Variants in METTL22 observed in about 807,000 individuals in gnomAD.
METTL22 encodes the protein methyltransferase 22, Kin17 lysine.
METTL22 carries 51 observed loss-of-function variants against 48.4 expected under a neutral mutation model. The ratio of observed to expected loss-of-function variants is 1.05; its 90% CI spans 0.84 to 1.33. METTL22 has a LOEUF of 1.33. Ranked by LOEUF, METTL22 falls within the 40% of genes most tolerant of loss-of-function variation. The probability of loss-of-function intolerance (pLI) is 0.00; values close to 1 mark genes in which losing one functional copy is unlikely to be tolerated. For synonymous variants in METTL22, 255 were observed against 214.1 expected, an observed-to-expected ratio of 1.19 and a Z score of -1.67; for missense variants, 678 against 526.9, an observed-to-expected ratio of 1.29 and a Z score of -2.81.
chr16:8,625,377 A>G (rs1014053661), intron 1 of METTL22, 119 bp from the exon 2 acceptor site: 1 of 226,062 alleles, frequency 4.4e-6, no homozygotes, highest in Non-Finnish European at 8.5e-6. Flanking sequence ...ATGGAAATTC[A>G]TATCCCTTTC....
At chr16:8,657,545 G>A in the METTL22 span, among the ~76,000 whole-genome samples, 28 of 152,018 alleles carry the variant, frequency 1.8e-4, no homozygotes, top group African/African-American at 6.5e-4. Flanking sequence ...GTTCCTTTTC[G>A]TCTACTATAT....
rs2056719136 is a variant in METTL22 at position 8,644,430 on chromosome 16, G to C, written c.1011-127G>C. 3 of 905,688 alleles carry C rather than the reference G, an allele frequency of 3.3e-6. No individual in the cohort carries two copies. The African/African-American group carries it at 5.1e-5, about 15-fold the overall frequency. The allele number at this position is 905,688 out of a possible 1,614,324, so 56.1% of individuals were successfully genotyped here. ...GCACTCACACACTCAGCATGAGACAGGCGCTCAGTAAAAGCCCGTCCAGGG... is the reference window on the plus strand; with the variant it reads ...GCACTCACACACTCAGCATGAGACACGCGCTCAGTAAAAGCCCGTCCAGGG... On this transcript the variant is annotated intron_variant, in intron 9 of 10. Transcript: ENST00000381920.
At chr16:8,642,891 C>T in intron 9 of METTL22, 1 of 333,322 alleles carries the variant, frequency 3.0e-6, no homozygotes, top group Non-Finnish European at 5.7e-6. Context: ...GCTTGGCCAG[C>T]ACACACTGTT....
chr16:8,639,270 T>A, intron 6 of METTL22, 108 bp downstream of exon 6: 1 of 1,088,788 alleles, frequency 9.2e-7, no homozygotes, highest in African/African-American at 1.5e-5. Context: ...CTGTGTCCCT[T>A]GCAGCAGGTG....
At chr16:8,642,333 C>A (rs948053079) in intron 8 of METTL22, 126 bp downstream of exon 8, 1 of 1,231,486 alleles carries the variant, frequency 8.1e-7, no homozygotes, top group Admixed American at 1.7e-5. Context: ...ACCACATCTG[C>A]AGTTTTAATT....
intron 2 of METTL22, 80 bp from the exon 3 acceptor site, chr16:8,628,650 A>C (rs1049073635): frequency 2.6e-5 from 39 of 1,508,166 alleles, no homozygotes; most frequent in African/African-American, 1.8e-4. Context: ...ATTGGTAATC[A>C]GATATTCTCA....
chr16:8,660,108 GA>G, the METTL22 span, among the ~76,000 whole-genome samples: 2 of 52,100 alleles, frequency 3.8e-5, no homozygotes, highest in African/African-American at 8.3e-5. Flanking sequence ...AGGGTACAGT[GA>G]TTTTTGCCCT....
chr16:8,630,991 CTCAGAACCACATGG>C (rs1309036858), intron 3 of METTL22, among the ~76,000 whole-genome samples: 1 of 152,226 alleles, frequency 6.6e-6, no homozygotes, highest in African/African-American at 2.4e-5. Context: ...GTCTTACCCA[CTCAGAACCACATGG>C]TCAGAACCAC....
At chr16:8,664,991 AC>A in the METTL22 span, among the ~76,000 whole-genome samples, 1 of 151,946 alleles carries the variant, frequency 6.6e-6, no homozygotes, top group Non-Finnish European at 1.5e-5. Flanking sequence ...GGGAGGAGGG[AC>A]TCACTAGGGA....
rs373666740 is a variant in METTL22, at chr16:8,648,461, C to T, written c.*2318C>T. The T allele has an allele frequency of 1.4e-4, 21 of 151,738 alleles. No homozygotes were observed. Among genetic ancestry groups the T allele is most frequent in the African/African-American group, 4.8e-4 (20 of 41,294 alleles). 9.4% of individuals were successfully genotyped at this position (151,738 alleles called of 1,614,324 possible). On this transcript the variant is annotated 3_prime_UTR_variant, in exon 11 of 11. Coordinates refer to ENST00000381920, the MANE Select transcript of METTL22 (RefSeq NM_024109.4). The stretch of plus-strand genomic sequence containing the variant: ...TGGCCAACATGGTGAAACCCTGCCT[C>T]TACTAAAAATACAAAATTAGCCGGG...
Position 8,648,894 on chromosome 16 carries a change from G to C in METTL22, c.*2751G>C, listed in dbSNP as rs1343397841. The C allele has an allele frequency of 6.6e-6, 1 of 152,238 alleles. No individual in the cohort carries two copies. Among genetic ancestry groups the C allele is most frequent in the Admixed American group, 6.5e-5 (1 of 15,290 alleles). 9.4% of individuals were successfully genotyped at this position (152,238 alleles called of 1,614,324 possible). A position where few individuals can be genotyped will look rare whatever the true frequency, so the allele number is the denominator to read the frequency against. On this transcript the variant is annotated 3_prime_UTR_variant, in exon 11 of 11. Transcript: ENST00000381920. ...GCACAGTAGTTTGAGAAGCTCTGGG[G>C]CCTACCACATAGCCCTCAACCTATT...
the METTL22 span, among the ~76,000 whole-genome samples, chr16:8,658,403 A>G: frequency 6.6e-6 from 1 of 152,200 alleles, no homozygotes; most frequent in Admixed American, 6.5e-5. Flanking sequence ...CCAGAACCCA[A>G]GGGATATAGG....
chr16:8,654,015 C>G (rs1319739689), downstream of METTL22, among the ~76,000 whole-genome samples: 2 of 152,220 alleles, frequency 1.3e-5, no homozygotes, highest in East Asian at 3.9e-4. Flanking sequence ...CAGAGCAAGA[C>G]CCCATCTCAA....
chr16:8,641,356 G>A (rs539812023), intron 7 of METTL22, 172 bp downstream of exon 7: 30 of 701,210 alleles, frequency 4.3e-5, no homozygotes, highest in East Asian at 1.1e-4. Flanking sequence ...GTCATTCTCT[G>A]AGCGCCTGCT....
Position 8,647,735 on chromosome 16 carries a change from A to G in METTL22, c.*1592A>G, listed in dbSNP as rs1165318339. The G allele has an allele frequency of 6.6e-6, 1 of 152,406 alleles. No homozygotes were observed. Among genetic ancestry groups the G allele is most frequent in the East Asian group, 1.9e-4 (1 of 5,198 alleles). The allele number at this position is 152,406 out of a possible 1,614,324, so 9.4% of individuals were successfully genotyped here. ...TCTCAGCTGAACCTGTAGTGAGAGC[A>G]TGCAGGAGAGTGACCTCACCCTGCC... is the stretch of plus-strand genomic sequence containing the variant. On this transcript the variant is annotated 3_prime_UTR_variant, in exon 11 of 11. Transcript: ENST00000381920.
chr16:8,656,917 G>A, the METTL22 span, among the ~76,000 whole-genome samples: 2 of 152,224 alleles, frequency 1.3e-5, no homozygotes, highest in African/African-American at 2.4e-5. Context: ...GGATGAGAAC[G>A]AGAGAGAAGT....
At chr16:8,641,952 A>G in intron 7 of METTL22, 175 bp from the exon 8 acceptor site, 1 of 634,712 alleles carries the variant, frequency 1.6e-6, no homozygotes. Context: ...ATGACTCTGC[A>G]CCCGGGCAGC....
intron 2 of METTL22, 45 bp from the exon 3 acceptor site, chr16:8,628,685 A>G (rs1453274491): frequency 1.9e-6 from 3 of 1,549,936 alleles, no homozygotes; most frequent in Non-Finnish European, 2.6e-6. Context: ...GGTAAAAAAG[A>G]AAACATCTTG....
chr16:8,630,303 A>G (rs767107231), intron 3 of METTL22, among the ~76,000 whole-genome samples: 5 of 152,212 alleles, frequency 3.3e-5, no homozygotes, highest in Non-Finnish European at 7.3e-5. Flanking sequence ...AGTTCCATGT[A>G]TCCCATGGGT....
Sources: allele counts gnomAD v4.1 joint callset (sites outside exome capture counted in the v4.1 genomes callset), GRCh38; gene constraint gnomAD v4.1.1; transcripts MANE v1.5; gene names NCBI Gene and HGNC (gene_info 2026-07-23, HGNC 2026-07-21).